Variants in CAMTA1 observed in about 807,000 individuals in gnomAD.
CAMTA1 encodes the protein calmodulin binding transcription activator 1.
Under a neutral mutation model 170.9 loss-of-function variants are expected in CAMTA1, and 27 were observed. The observed-to-expected ratio is 0.16, with a 90% CI of 0.12 to 0.22. The LOEUF (loss-of-function observed/expected upper bound fraction) is 0.22. CAMTA1 is among the 10% of genes least tolerant of loss of function. CAMTA1 has a pLI of 1.00. For missense variants in CAMTA1, 1,619 were observed against 2,217.2 expected, an observed-to-expected ratio of 0.73 and a Z score of 5.42; for synonymous variants, 833 against 891.5, an observed-to-expected ratio of 0.93 and a Z score of 1.17.
chr1:7,036,832 T>G (rs1703665319), intron 3 of CAMTA1, among the ~76,000 whole-genome samples: 4 of 152,242 alleles, frequency 2.6e-5, no homozygotes, highest in Admixed American at 2.6e-4. Context: ...CACTACTGTT[T>G]TGTTCTGCTG....
In CAMTA1 at chr1:7,044,334, G is replaced by A. The variant is rs1474816757; in HGVS notation, c.235-46970G>A. ...AGAGACGCAGAGCAGTGCCGCTGGG[G>A]ACCCCGGGGACTCAGAGCAGTGCCG... On this transcript the variant is annotated intron_variant, in intron 3 of 22. Coordinates refer to ENST00000303635, the MANE Select transcript of CAMTA1 (RefSeq NM_015215.4). This position sits in a 1 kb window ranked among gnomAD's most constrained non-coding sequence, Gnocchi z 5.0. Among the ~76,000 whole-genome samples the A allele has an allele frequency of 6.6e-6, 1 of 152,012 alleles. No individual in the cohort carries two copies. Among genetic ancestry groups the A allele is most frequent in the African/African-American group, 2.4e-5 (1 of 41,412 alleles).
chr1:6,897,864 A>C (rs1676000229), intron 3 of CAMTA1, among the ~76,000 whole-genome samples: 1 of 152,218 alleles, frequency 6.6e-6, no homozygotes, highest in African/African-American at 2.4e-5. Context: ...CCCAGCCTTA[A>C]GAGCCAAAAT....
intron 3 of CAMTA1, among the ~76,000 whole-genome samples, chr1:6,835,297 G>C (rs150641358): frequency 6.6e-6 from 1 of 152,316 alleles, no homozygotes; most frequent in Non-Finnish European, 1.5e-5. Context: ...AGTTGCACTC[G>C]AGACTCTGTA....
In CAMTA1 at chr1:7,521,793, C is replaced by T. The variant is rs1037512622; in HGVS notation, c.510+53892C>T. On this transcript the variant is annotated intron_variant, in intron 6 of 22. Coordinates refer to ENST00000303635, the MANE Select transcript of CAMTA1 (RefSeq NM_015215.4). Reference sequence around the variant, plus strand: ...TGAACTCCTGACCTCATGATCCGCCCACCTCTGCCTCCCAAAGTGCTGGGA... The same window carrying T: ...TGAACTCCTGACCTCATGATCCGCCTACCTCTGCCTCCCAAAGTGCTGGGA... Among the ~76,000 whole-genome samples, 13 of 152,318 alleles carry T rather than the reference C, an allele frequency of 8.5e-5. No individual in the cohort carries two copies. In the East Asian group the frequency reaches 2.5e-3, roughly 29 times the overall value.
chr1:7,079,843 G>A (rs1302705355), intron 3 of CAMTA1, among the ~76,000 whole-genome samples: 1 of 152,170 alleles, frequency 6.6e-6, no homozygotes, highest in Non-Finnish European at 1.5e-5. Flanking sequence ...AATTTTTGCA[G>A]ACTTCTCATC....
At chr1:6,929,799 TA>T (rs1477796138) in intron 3 of CAMTA1, among the ~76,000 whole-genome samples, 3 of 152,218 alleles carry the variant, frequency 2.0e-5, no homozygotes, top group African/African-American at 7.2e-5. Context: ...GCCCGGCCCT[TA>T]AAGGACAGTT....
intron 6 of CAMTA1, among the ~76,000 whole-genome samples, chr1:7,472,902 G>A (rs1165182388): frequency 6.6e-6 from 1 of 152,176 alleles, no homozygotes. Flanking sequence ...ACTCCAGGCG[G>A]TCCTGGCCCC....
chr1:7,077,883 C>T (rs1424247188), intron 3 of CAMTA1, among the ~76,000 whole-genome samples: 1 of 152,056 alleles, frequency 6.6e-6, no homozygotes, highest in South Asian at 2.1e-4. Context: ...GAATGACTTA[C>T]GACCCATTTC....
chr1:7,029,226 G>T (rs888264242), intron 3 of CAMTA1, among the ~76,000 whole-genome samples: 6 of 151,834 alleles, frequency 4.0e-5, no homozygotes, highest in Non-Finnish European at 7.4e-5. Context: ...GCTCGGCTGG[G>T]CACGCTGGCT....
At chr1:6,873,666 A>G (rs1307794945) in intron 3 of CAMTA1, among the ~76,000 whole-genome samples, 1 of 152,236 alleles carries the variant, frequency 6.6e-6, no homozygotes, top group Non-Finnish European at 1.5e-5. Flanking sequence ...TTATTTTACG[A>G]TTAGATCAGT....
intron 5 of CAMTA1, among the ~76,000 whole-genome samples, chr1:7,437,337 T>C (rs1033264527): frequency 5.3e-5 from 8 of 152,132 alleles, no homozygotes; most frequent in African/African-American, 1.7e-4. Flanking sequence ...CGTCCATTCC[T>C]CCTGAGGGCG....
chr1:7,596,498 C>T (rs529285061), intron 6 of CAMTA1, among the ~76,000 whole-genome samples: 18 of 152,308 alleles, frequency 1.2e-4, no homozygotes, highest in Admixed American at 5.2e-4. Flanking sequence ...TCCAAGGGGC[C>T]GTGAAGCACT....
intron 3 of CAMTA1, among the ~76,000 whole-genome samples, chr1:6,968,311 G>A (rs1359304430): frequency 1.3e-5 from 2 of 152,182 alleles, no homozygotes; most frequent in Non-Finnish European, 2.9e-5. Flanking sequence ...GGACAAGATC[G>A]GAAGTAGAGT....
chr1:6,870,603 C>G (rs890760541), intron 3 of CAMTA1, among the ~76,000 whole-genome samples: 2 of 152,160 alleles, frequency 1.3e-5, no homozygotes, highest in African/African-American at 4.8e-5. Flanking sequence ...ACAAGGTTAA[C>G]TCAAATGTTA....
At chr1:7,022,465 G>A (rs1356015051) in intron 3 of CAMTA1, among the ~76,000 whole-genome samples, 1 of 152,120 alleles carries the variant, frequency 6.6e-6, no homozygotes, top group East Asian at 1.9e-4. Context: ...ATTAGTCTAG[G>A]ATGACATAAA....
chr1:7,369,482 G>A (rs1044959220), intron 5 of CAMTA1, among the ~76,000 whole-genome samples: 2 of 152,300 alleles, frequency 1.3e-5, no homozygotes, highest in African/African-American at 4.8e-5. Context: ...TATGCGTGTG[G>A]TTAAGGCTTA....
intron 3 of CAMTA1, among the ~76,000 whole-genome samples, chr1:7,040,333 G>C (rs537580065): frequency 1.2e-4 from 18 of 152,246 alleles, no homozygotes; most frequent in African/African-American, 4.3e-4. Flanking sequence ...GTCTAAACAC[G>C]GCATGCGTGT....
intron 3 of CAMTA1, among the ~76,000 whole-genome samples, chr1:7,079,220 C>T (rs1473771820): frequency 6.6e-6 from 1 of 152,124 alleles, no homozygotes; most frequent in Non-Finnish European, 1.5e-5. Context: ...TGTAGACCCA[C>T]CTTTACAGAG....
At position 7,663,282 on chromosome 1, in the gene CAMTA1, TTGTGTGTGCATG is replaced by T. The variant is rs1017442549; in HGVS notation, c.806-60_806-49del. On this transcript the variant is annotated intron_variant, in intron 8 of 22. Transcript: ENST00000303635. ...CCACGGTCCTAGCTCTGACTCTCTT[TTGTGTGTGCATG>T]TGTGTGTGCACATGTGTGCCTGCGT... 1.0e-5 allele frequency: 15 copies of T among 1,489,486 alleles called. No homozygotes were observed. In the African/African-American group the frequency reaches 2.0e-4, roughly 20 times the overall value. The allele number at this position is 1,489,486 out of a possible 1,614,324, so 92.3% of individuals were successfully genotyped here. A position where few individuals can be genotyped will look rare whatever the true frequency, so the allele number is the denominator to read the frequency against.
Sources: gnomAD v4.1 joint callset for allele counts (sites outside exome capture counted in the v4.1 genomes callset) on GRCh38, gnomAD v4.1.1 for gene constraint, Gnocchi (gnomAD v3.1) non-coding constraint, MANE v1.5 for transcripts, NCBI Gene and HGNC (gene_info 2026-07-23, HGNC 2026-07-21) for gene names.